SIGIRR: variants seen among roughly 807,000 people sequenced by gnomAD.
The protein encoded by SIGIRR is single Ig IL-1-related receptor.
A neutral mutation model predicts 45.6 loss-of-function variants in SIGIRR; 41 were observed. That is an observed-to-expected ratio of 0.90 (90% confidence interval 0.70 to 1.17). SIGIRR has a LOEUF of 1.17. SIGIRR is among the 50% of genes most tolerant of loss of function. The pLI, the probability that SIGIRR is intolerant of heterozygous loss-of-function variation, is 0.00. For missense variants in SIGIRR, 599 were observed against 539.6 expected, an observed-to-expected ratio of 1.11 and a Z score of -1.09; for synonymous variants, 298 against 239.0, an observed-to-expected ratio of 1.25 and a Z score of -2.28.
chr11:405,926 G>A lies in SIGIRR; in HGVS notation c.1203C>T (p.Phe401=). ...GSRNYSARTD[F]YCLVSKDDM ...TATCATCCTTGGACACCAGGCAGTAGAAGTCTGTGCGGGCACTGTAGTTTC... is the reference window on the plus strand; with the variant it reads ...TATCATCCTTGGACACCAGGCAGTAAAAGTCTGTGCGGGCACTGTAGTTTC... Residue 401 remains phenylalanine (F), a synonymous_variant, in exon 10 of 10, where the codon TTC becomes TTT. Coordinates refer to ENST00000431843, the MANE Select transcript of SIGIRR (RefSeq NM_001135054.2). 1.2e-6 allele frequency: 2 copies of A among 1,608,576 alleles called. No homozygotes were observed. The highest frequency in any genetic ancestry group is 1.7e-6 in the Non-Finnish European group (2 of 1,176,852).
At chr11:409,694 C>T (rs994802899) in intron 2 of SIGIRR, 174 bp downstream of exon 2, 3 of 615,752 alleles carry the variant, frequency 4.9e-6, no homozygotes, top group Admixed American at 4.2e-5. Flanking sequence ...TCACCACTCG[C>T]CCTGGTTTCA....
upstream of SIGIRR, among the ~76,000 whole-genome samples, chr11:415,494 T>A (rs951009770): frequency 9.2e-5 from 14 of 151,902 alleles, no homozygotes; most frequent in African/African-American, 3.4e-4. This position sits in a 1 kb window ranked among gnomAD's most constrained non-coding sequence, Gnocchi z 6.6. Flanking sequence ...AAGGGGCCGG[T>A]TTGCTCCCCC....
At chr11:408,625 A>T (rs1590376398) in intron 3 of SIGIRR, 70 bp downstream of exon 3, 1 of 1,561,006 alleles carries the variant, frequency 6.4e-7, no homozygotes, top group African/African-American at 1.4e-5. Context: ...ACCCAGGCAT[A>T]GGTCAGGGAG....
chr11:408,026 T>G, intron 4 of SIGIRR, 47 bp downstream of exon 4: 1 of 1,608,416 alleles, frequency 6.2e-7, no homozygotes, highest in Non-Finnish European at 8.5e-7. Context: ...TGGGCCTCAC[T>G]AGGTCTAGGT....
rs531321472 is a variant in SIGIRR at position 409,354 on chromosome 11, A to C, written c.8-461T>G. 6 of 308,950 alleles carry C rather than the reference A, an allele frequency of 1.9e-5. No individual in the cohort carries two copies. In the East Asian group the frequency reaches 4.8e-4, roughly 24 times the overall value. The allele number at this position is 308,950 out of a possible 1,614,324, so 19.1% of individuals were successfully genotyped here. ...AGTGGGTTTGGGGACCCAGATGCCC[A>C]GTGTGCCAGCACCTTCCACCTGGAT... On this transcript the variant is annotated intron_variant, in intron 2 of 9. Transcript: ENST00000431843.
rs1590368774 is a variant in SIGIRR, at chr11:406,680, G to C, written c.880-142C>G. ...CCGTGGCTCCGGGGGCCTCAAGGGC[G>C]GCTCCCCGCATCGGGGCCCCAGGCA... On this transcript the variant is annotated intron_variant, in intron 8 of 9. Transcript: ENST00000431843. The C allele has an allele frequency of 1.4e-5, 20 of 1,404,242 alleles. No individual in the cohort carries two copies. The East Asian group carries it at 4.8e-4, about 33-fold the overall frequency. The allele number at this position is 1,404,242 out of a possible 1,614,324, so 87.0% of individuals were successfully genotyped here.
intron 1 of SIGIRR, among the ~76,000 whole-genome samples, chr11:414,016 A>C (rs1178054373): frequency 1.3e-3 from 41 of 30,748 alleles, no homozygotes; most frequent in Admixed American, 2.5e-3. Flanking sequence ...CTTTCCCTGC[A>C]CCCTCTCCCC....
chr11:406,153 A>T, intron 9 of SIGIRR, 94 bp from the exon 10 acceptor site: 4 of 1,538,074 alleles, frequency 2.6e-6, no homozygotes, highest in Non-Finnish European at 3.5e-6. Flanking sequence ...CCCTGCTGTG[A>T]TGGCCTGTGA....
At position 413,353 on chromosome 11, in the gene SIGIRR, TGGA is replaced by T. The variant is rs1040324862; in HGVS notation, c.-154+1467_-154+1469del. On this transcript the variant is annotated intron_variant, in intron 1 of 9. Transcript: ENST00000431843. Reference sequence around the variant, plus strand: ...GGGTCCTTGAAGAAGTCCTTTGCGGTGGAGGACACTCCAAGGAAAGTCCTTGAC... The same window carrying T: ...GGGTCCTTGAAGAAGTCCTTTGCGGTGGACACTCCAAGGAAAGTCCTTGAC... 2.2e-4 allele frequency among the ~76,000 whole-genome samples: 34 copies of T among 151,980 alleles called. 1 individual carries two copies.
At chr11:408,932 T>G in intron 2 of SIGIRR, 39 bp from the exon 3 acceptor site, 1 of 1,590,586 alleles carries the variant, frequency 6.3e-7, no homozygotes, top group South Asian at 1.1e-5. Flanking sequence ...TGTGCCAGGG[T>G]GCCTGGCCCC....
chr11:411,736 T>C (rs55798831), intron 1 of SIGIRR, among the ~76,000 whole-genome samples: 1 of 97,578 alleles, frequency 1.0e-5, no homozygotes, highest in Non-Finnish European at 2.1e-5. Flanking sequence ...GGTGCCCAGC[T>C]CTGACCATGT....
chr11:407,099 C>G lies in SIGIRR; in HGVS notation c.691G>C (p.Ala231Pro). ...CTGCACCAGGCCCGGCTCAGGAAGG[C>G]GTCCGAAAGCACCACGATGAGGCGT... Reference protein sequence around the residue: ...CRRLIVVLSDAFLSRAWCSHS... With the variant: ...CRRLIVVLSDPFLSRAWCSHS... Residue 231 changes from alanine to proline, a missense_variant, in exon 7 of 10, where the codon GCC becomes CCC. By Grantham distance (27) the Ala-to-Pro change is conservative. Coordinates refer to ENST00000431843, the MANE Select transcript of SIGIRR (RefSeq NM_001135054.2). The G allele has an allele frequency of 6.5e-7, 1 of 1,539,976 alleles. No homozygotes were observed. Among genetic ancestry groups the G allele is most frequent in the Non-Finnish European group, 8.7e-7 (1 of 1,148,472 alleles).
In SIGIRR at chr11:407,450, G is replaced by C. The variant is rs746717312; in HGVS notation, c.600C>G (p.Asp200Glu). ...CAGCGCGCGGCAGGAGGTCGCGGTC[G>C]TCCAGGAAGAGCTTGTAGCCCCGAC... ...ERRRGYKLFL[D>E]DRDLLPRAEP... Residue 200 changes from aspartate to glutamate, a missense_variant, in exon 6 of 10, where the codon GAC becomes GAG. Coordinates refer to ENST00000431843, the MANE Select transcript of SIGIRR (RefSeq NM_001135054.2). 5.1e-6 allele frequency: 8 copies of C among 1,556,696 alleles called. No homozygotes were observed. The East Asian group carries it at 9.7e-5, about 19-fold the overall frequency.
At chr11:414,628 A>C (rs537275652) in intron 1 of SIGIRR, among the ~76,000 whole-genome samples, 195 bp downstream of exon 1, 1 of 152,234 alleles carries the variant, frequency 6.6e-6, no homozygotes, top group East Asian at 1.9e-4. Flanking sequence ...AGAGCCTAGG[A>C]CCACAGGCAC....
chr11:413,565 CT>C (rs1847766483), intron 1 of SIGIRR, among the ~76,000 whole-genome samples: 1 of 151,988 alleles, frequency 6.6e-6, no homozygotes, highest in Non-Finnish European at 1.5e-5. Flanking sequence ...TCAGAGCCTT[CT>C]GGAAGTCAAG....
At position 406,916 on chromosome 11, in the gene SIGIRR, G is replaced by T. The variant is rs772248355; in HGVS notation, c.806C>A (p.Ala269Glu). The T allele has an allele frequency of 6.9e-6, 11 of 1,594,460 alleles. No homozygotes were observed. Among genetic ancestry groups the T allele is most frequent in the African/African-American group, 2.7e-5 (2 of 74,718 alleles). ...GCGCAGCAGGCGGAGCGCCGGGTGC[G>T]CGGGGTCGCGCCTCTGGCCCTCGAA... ...ITFEGQRRDP[A>E]HPALRLLRQH... is the part of the protein sequence containing the mutation. The change falls in exon 8 of 10, where the codon GCG (alanine) becomes GAG (glutamate). Residue 269 changes from alanine (A) to glutamate (E), a missense_variant. By Grantham distance (107) the Ala-to-Glu change is moderately radical (BLOSUM62 -1). Coordinates refer to ENST00000431843, the MANE Select transcript of SIGIRR (RefSeq NM_001135054.2).
Position 407,117 on chromosome 11 carries a change from TG to T in SIGIRR, c.672del (p.Ile225SerfsTer9). 4.6e-6 allele frequency: 7 copies of T among 1,534,264 alleles called. No individual in the cohort carries two copies. Among genetic ancestry groups the T allele is most frequent in the Admixed American group, 1.9e-5 (1 of 52,192 alleles). ...LLVNLSRCRR[L>X]IVVLSDAFLS... Reference sequence around the variant, plus strand: ...AGGAAGGCGTCCGAAAGCACCACGATGAGGCGTCGGCAGCGGCTCAGGTTCA... The same window carrying T: ...AGGAAGGCGTCCGAAAGCACCACGATAGGCGTCGGCAGCGGCTCAGGTTCA... On this transcript the variant is annotated frameshift_variant, in exon 7 of 10. Coordinates refer to ENST00000431843, the MANE Select transcript of SIGIRR (RefSeq NM_001135054.2). LOFTEE classifies it high-confidence loss of function.
chr11:409,736 G>A, intron 2 of SIGIRR, 132 bp downstream of exon 2: 1 of 1,044,172 alleles, frequency 9.6e-7, no homozygotes, highest in Non-Finnish European at 1.3e-6. Flanking sequence ...GGGTGAGCAG[G>A]GGCCTTTGTA....
Position 406,871 on chromosome 11 carries a change from G to A in SIGIRR, c.851C>T (p.Thr284Ile). 1.3e-6 allele frequency: 2 copies of A among 1,578,502 alleles called. No individual in the cohort carries two copies. Among genetic ancestry groups the A allele is most frequent in the Non-Finnish European group, 1.7e-6 (2 of 1,168,670 alleles). ...GGAGCCGGGCCTCCAGAGCAGCAAG[G>A]TCACCAGGTGGCGGTGCTGGCGCAG... ...RLLRQHRHLV[T>I]LLLWRPGSVT... Residue 284 changes from threonine to isoleucine, a missense_variant, in exon 8 of 10, where the codon ACC becomes ATC. Transcript: ENST00000431843.
Sources: allele counts gnomAD v4.1 joint callset (sites outside exome capture counted in the v4.1 genomes callset), GRCh38; gene constraint gnomAD v4.1.1; non-coding constraint Gnocchi (gnomAD v3.1); transcripts MANE v1.5; gene names NCBI Gene and HGNC (gene_info 2026-07-23, HGNC 2026-07-21).